The following NSUN2 variants were observed in gnomAD, a reference collection of about 807,000 sequenced individuals.
The protein encoded by NSUN2 is RNA cytosine C(5)-methyltransferase NSUN2.
NSUN2 carries 63 observed loss-of-function variants against 92.7 expected under a neutral mutation model. The observed-to-expected ratio is 0.68, with a 90% CI of 0.56 to 0.84. The LOEUF (loss-of-function observed/expected upper bound fraction) is 0.84. Among genes scored for constraint, NSUN2 ranks in the 40% least tolerant of loss-of-function variants. The probability of loss-of-function intolerance (pLI) is 0.00; values close to 1 mark genes in which losing one functional copy is unlikely to be tolerated. For missense variants in NSUN2, 989 were observed against 964.9 expected, an observed-to-expected ratio of 1.02 and a Z score of -0.33; for synonymous variants, 356 against 348.3, an observed-to-expected ratio of 1.02 and a Z score of -0.25.
At chr5:6,621,207 A>G (rs1243608722) in intron 6 of NSUN2, 1 of 152,168 alleles carries the variant, frequency 6.6e-6, no homozygotes, top group Non-Finnish European at 1.5e-5. Flanking sequence ...AGCACCTCGC[A>G]AGCTACATAC....
rs115023096 is a variant in NSUN2 at position 6,600,776 on chromosome 5, C to T, written c.1998-544G>A. ...TCATCCTTTTGATACTCAGTGTTAGCGTGATTTCTTCTCCAGGGACCCCAC... is the reference window on the plus strand; with the variant it reads ...TCATCCTTTTGATACTCAGTGTTAGTGTGATTTCTTCTCCAGGGACCCCAC... On this transcript the variant is annotated intron_variant, in intron 18 of 18. Coordinates refer to ENST00000264670, the MANE Select transcript of NSUN2 (RefSeq NM_017755.6). Among the ~76,000 whole-genome samples the T allele has an allele frequency of 9.2e-3, 1,404 of 152,300 alleles. 17 individuals carry two copies. The highest frequency in any genetic ancestry group is 0.015 in the Non-Finnish European group (1,022 of 68,028).
intron 9 of NSUN2, 52 bp from the exon 10 acceptor site, chr5:6,611,850 A>G: frequency 6.9e-7 from 1 of 1,457,700 alleles, no homozygotes; most frequent in Non-Finnish European, 9.6e-7. Context: ...GTATTAACAC[A>G]CTATGCTCAG....
intron 9 of NSUN2, among the ~76,000 whole-genome samples, chr5:6,616,228 A>G (rs1357610850): frequency 6.6e-6 from 1 of 152,228 alleles, no homozygotes; most frequent in East Asian, 1.9e-4. Context: ...ATGGCTCACA[A>G]CAGCCAAAAA....
At chr5:6,626,231 G>A (rs1579378590) in intron 3 of NSUN2, among the ~76,000 whole-genome samples, 1 of 152,198 alleles carries the variant, frequency 6.6e-6, no homozygotes, top group South Asian at 2.1e-4. Context: ...CTCCTAGGCT[G>A]TTACCTATAT....
chr5:6,604,505 C>T, intron 16 of NSUN2, 100 bp downstream of exon 16: 1 of 1,146,218 alleles, frequency 8.7e-7, no homozygotes, highest in South Asian at 1.3e-5. Context: ...CAGCCAAGCC[C>T]TGAGCCACTC....
At chr5:6,601,188 A>G (rs1000303865) in intron 18 of NSUN2, among the ~76,000 whole-genome samples, 18 of 151,976 alleles carry the variant, frequency 1.2e-4, no homozygotes, top group Admixed American at 8.5e-4. Flanking sequence ...ATTATTCCTG[A>G]AGTTGACCTG....
In NSUN2 at chr5:6,632,788, C is replaced by T. The variant is rs202139836; in HGVS notation, c.97-32G>A. ...AAGGAAAGAGACGTCTACCCCGAGG[C>T]CCAAGGAGCCGCCCCCTCGCCGCCG... On this transcript the variant is annotated intron_variant, in intron 1 of 18. Transcript: ENST00000264670. The T allele has an allele frequency of 2.5e-6, 4 of 1,602,982 alleles. No homozygotes were observed. In the Admixed American group the frequency reaches 6.9e-5, roughly 27 times the overall value.
chr5:6,617,513 CTCTT>C (rs1262738151), intron 8 of NSUN2, among the ~76,000 whole-genome samples: 5 of 152,208 alleles, frequency 3.3e-5, no homozygotes, highest in African/African-American at 9.6e-5. Flanking sequence ...TATGAGATTT[CTCTT>C]TAAGAATTTT....
In NSUN2 at chr5:6,614,120, A is replaced by ACCCTCC. The variant is rs1560977728; in HGVS notation, c.1022-2323_1022-2322insGGAGGG. 1.6e-4 allele frequency among the ~76,000 whole-genome samples: 5 copies of ACCCTCC among 30,764 alleles called. 1 individual carries two copies. Among genetic ancestry groups the ACCCTCC allele is most frequent in the African/African-American group, 4.1e-4 (3 of 7,294 alleles). The allele number at this position is 30,764 out of a possible 152,430, so 20.2% of individuals were successfully genotyped here. A position where few individuals can be genotyped will look rare whatever the true frequency, so the allele number is the denominator to read the frequency against. ...GAAAAAAAAAAAAAAAAAAAAAAAA[A>ACCCTCC]AACCCACAACACACACATATAGACA... On this transcript the variant is annotated intron_variant, in intron 9 of 18. Transcript: ENST00000264670.
intron 17 of NSUN2, chr5:6,603,911 C>G: frequency 2.1e-6 from 1 of 466,592 alleles, no homozygotes; most frequent in Non-Finnish European, 3.8e-6. Context: ...TGGGCAGCAG[C>G]AGGGCACCAC....
chr5:6,626,977 A>G (rs1342232496), intron 3 of NSUN2, among the ~76,000 whole-genome samples: 3 of 152,200 alleles, frequency 2.0e-5, no homozygotes, highest in African/African-American at 7.2e-5. Flanking sequence ...CAAACTCAGG[A>G]CTTAAAAGCC....
rs1009298216 is a variant in NSUN2 at position 6,620,620 on chromosome 5, G to C, written c.623-322C>G. 7.0e-5 allele frequency: 14 copies of C among 198,952 alleles called. No homozygotes were observed. In the Admixed American group the frequency reaches 7.2e-4, roughly 10 times the overall value. The allele number at this position is 198,952 out of a possible 1,614,324, so 12.3% of individuals were successfully genotyped here. On this transcript the variant is annotated intron_variant, in intron 6 of 18. Coordinates refer to ENST00000264670, the MANE Select transcript of NSUN2 (RefSeq NM_017755.6). ...TACAAAAAAAAAAGATGAGGAGAAA[G>C]GTGTAGAAACAACAAAATCACCTTA... is the stretch of plus-strand genomic sequence containing the variant.
intron 5 of NSUN2, 43 bp downstream of exon 5, chr5:6,623,171 T>TA: frequency 6.5e-7 from 1 of 1,543,678 alleles, no homozygotes; most frequent in Non-Finnish European, 8.7e-7. Context: ...ATGACACTGG[T>TA]AACAAGCTGC....
At chr5:6,618,358 T>C (rs79755427) in intron 7 of NSUN2, among the ~76,000 whole-genome samples, 2 of 152,206 alleles carry the variant, frequency 1.3e-5, no homozygotes, top group Non-Finnish European at 2.9e-5. Flanking sequence ...TAAAATACTA[T>C]TGAAAATCTC....
intron 3 of NSUN2, among the ~76,000 whole-genome samples, chr5:6,630,464 CCTGT>C (rs1355386743): frequency 3.9e-5 from 6 of 152,252 alleles, no homozygotes; most frequent in East Asian, 1.9e-4. Context: ...TGCCACCATG[CCTGT>C]CTAATTTTTG....
At chr5:6,616,468 A>C (rs1275494867) in intron 9 of NSUN2, among the ~76,000 whole-genome samples, 1 of 152,192 alleles carries the variant, frequency 6.6e-6, no homozygotes, top group African/African-American at 2.4e-5. Context: ...ATACAGACAA[A>C]AAATAGAACG....
At chr5:6,628,657 G>A (rs1180849295) in intron 3 of NSUN2, among the ~76,000 whole-genome samples, 1 of 152,228 alleles carries the variant, frequency 6.6e-6, no homozygotes, top group Non-Finnish European at 1.5e-5. Context: ...GTCCTGGAAA[G>A]CTTCTGCTTT....
At chr5:6,608,294 G>A (rs1272941625) in intron 12 of NSUN2, among the ~76,000 whole-genome samples, 1 of 152,206 alleles carries the variant, frequency 6.6e-6, no homozygotes, top group Non-Finnish European at 1.5e-5. Flanking sequence ...CAGCTCCAAG[G>A]GCATGTTCTC....
rs374823090 is a variant in NSUN2, at chr5:6,599,898, G to A, written c.*28C>T. 3 of 1,601,330 alleles carry A rather than the reference G, an allele frequency of 1.9e-6. No individual in the cohort carries two copies. Among genetic ancestry groups the A allele is most frequent in the Admixed American group, 3.3e-5 (2 of 59,742 alleles). ...AAGAAGCCAGTTTTGCGTGTGAGGG[G>A]TGTGGGCCCCCGCTGCCTTGGGCCT... On this transcript the variant is annotated 3_prime_UTR_variant, in exon 19 of 19. Coordinates refer to ENST00000264670, the MANE Select transcript of NSUN2 (RefSeq NM_017755.6).
Sources: gnomAD v4.1 joint callset for allele counts (sites outside exome capture counted in the v4.1 genomes callset) on GRCh38, gnomAD v4.1.1 for gene constraint, MANE v1.5 for transcripts, NCBI Gene and HGNC (gene_info 2026-07-23, HGNC 2026-07-21) for gene names.